Variants in SV2A observed in about 807,000 individuals in gnomAD.
SV2A encodes synaptic vesicle glycoprotein 2A.
Under a neutral mutation model 78.0 loss-of-function variants are expected in SV2A, and 25 were observed. The ratio of observed to expected loss-of-function variants is 0.32; its 90% confidence interval spans 0.23 to 0.45. SV2A has a LOEUF of 0.45. SV2A is among the 20% of genes least tolerant of loss of function. The pLI, the probability that SV2A is intolerant of heterozygous loss-of-function variation, is 1.00. For synonymous variants in SV2A, 355 were observed against 384.7 expected (o/e 0.92, Z 0.90); for missense variants, 752 against 971.5 (o/e 0.77, Z 3.00).
chr1:149,913,783 T>C lies in SV2A; in HGVS notation c.58A>G (p.Lys20Glu). The change falls in exon 2 of 13, where the codon AAG becomes GAG. Residue 20 changes from lysine to glutamate, a missense_variant. Lys to Glu is a moderately conservative substitution (Grantham distance 56). This residue lies in a region of SV2A where 291 missense variants were observed against 359.5 expected (regional missense o/e 0.81). Coordinates refer to ENST00000369146, the MANE Select transcript of SV2A (RefSeq NM_014849.5). ...AFIRGAKDIA[K>E]EVKKHAAKKV... ...TTGGCCGCATGCTTTTTGACTTCCT[T>C]AGCAATGTCTTTGGCCCCACGGATG... 1 of 1,613,980 alleles carries C rather than the reference T, an allele frequency of 6.2e-7. No individual in the cohort carries two copies. The highest frequency in any genetic ancestry group is 8.5e-7 in the Non-Finnish European group (1 of 1,179,946).
chr1:149,906,531 A>G (rs1553762770), intron 11 of SV2A, 119 bp downstream of exon 11: 1 of 1,103,316 alleles, frequency 9.1e-7, no homozygotes, highest in African/African-American at 1.6e-5. Flanking sequence ...CTAAACAGAA[A>G]ACATGAGAGA....
At chr1:149,915,813 C>T (rs1002660736) in intron 1 of SV2A, among the ~76,000 whole-genome samples, 1 of 152,184 alleles carries the variant, frequency 6.6e-6, no homozygotes, top group South Asian at 2.1e-4. Flanking sequence ...AGGAAGCAGG[C>T]CTAGATTCTG....
intron 1 of SV2A, among the ~76,000 whole-genome samples, chr1:149,917,398 G>A (rs1235375979): frequency 6.6e-6 from 1 of 152,148 alleles, no homozygotes; most frequent in Non-Finnish European, 1.5e-5. Context: ...GTGAGGAGGG[G>A]ATAGGAGTTT....
At position 149,909,178 on chromosome 1, in the gene SV2A, A is replaced by G; in HGVS notation, c.1379+14T>C. ...ACAACCACCACACATCACCCAGCCC[A>G]CCCATCTCCTCACCTGAATGACATG... On this transcript the variant is annotated intron_variant, in intron 8 of 12. Transcript: ENST00000369146. 6.2e-7 allele frequency: 1 copy of G among 1,612,638 alleles called. No individual in the cohort carries two copies.
In SV2A at chr1:149,911,965, A is replaced by T; in HGVS notation, c.638T>A (p.Leu213Gln). The change falls in exon 3 of 13, where the codon CTG (leucine) becomes CAG (glutamine). Residue 213 changes from leucine to glutamine, a missense_variant. By Grantham distance (113) the Leu-to-Gln change is moderately radical (BLOSUM62 -2). Around this residue, in one of 7 missense-constraint regions of SV2A, gnomAD observed 291 missense variants for 359.5 expected, o/e 0.81. Transcript: ENST00000369146. ...NKGMLGLIVY[L>Q]GMMVGAFLWG... is the part of the protein sequence containing the mutation. Reference sequence around the variant, plus strand: ...GAGGAAGGCTCCCACCATCATGCCCAGGTAGACGATGAGGCCTGGAAGGAG... The same window carrying T: ...GAGGAAGGCTCCCACCATCATGCCCTGGTAGACGATGAGGCCTGGAAGGAG... The T allele has an allele frequency of 6.2e-7, 1 of 1,614,054 alleles. No homozygotes were observed. Among genetic ancestry groups the T allele is most frequent in the Non-Finnish European group, 8.5e-7 (1 of 1,179,960 alleles).
chr1:149,913,683 T>C lies in SV2A; in HGVS notation c.158A>G (p.Asp53Gly). Residue 53 changes from aspartate (D) to glycine (G), a missense_variant, in exon 2 of 13, where the codon GAT (aspartate) becomes GGT (glycine). By Grantham distance (94) the Asp-to-Gly change is moderately conservative. Around this residue, in one of 7 missense-constraint regions of SV2A, gnomAD observed 291 missense variants for 359.5 expected, o/e 0.81. Coordinates refer to ENST00000369146, the MANE Select transcript of SV2A (RefSeq NM_014849.5). ...GGGAGCAGGGAAGTCATCATCATCA[T>C]CCTCCTCCTCAAAGCGGGAGTACGA... Reference protein sequence around the residue: ...RRSYSRFEEEDDDDDFPAPSD... With the variant: ...RRSYSRFEEEGDDDDFPAPSD... 1 of 1,614,026 alleles carries C rather than the reference T, an allele frequency of 6.2e-7. No individual in the cohort carries two copies. The highest frequency in any genetic ancestry group is 1.3e-5 in the African/African-American group (1 of 74,976).
In SV2A at chr1:149,910,279, G is replaced by A. The variant is rs1419127924; in HGVS notation, c.1089+291C>T. Among the ~76,000 whole-genome samples the A allele has an allele frequency of 1.3e-5, 2 of 152,200 alleles. No individual in the cohort carries two copies. The highest frequency in any genetic ancestry group is 4.8e-5 in the African/African-American group (2 of 41,432). ...AGGGGAAGGTATAGGGGGTGGGAAT[G>A]TCTCTTGAGCTGTAAATGCAGGACA... On this transcript the variant is annotated intron_variant, in intron 5 of 12. Coordinates refer to ENST00000369146, the MANE Select transcript of SV2A (RefSeq NM_014849.5). The surrounding 1 kb of genome is among the most constrained non-coding windows in gnomAD (Gnocchi z 4.2).
At chr1:149,916,930 C>T (rs1353705503) in intron 1 of SV2A, among the ~76,000 whole-genome samples, 1 of 151,978 alleles carries the variant, frequency 6.6e-6, no homozygotes, top group Admixed American at 6.6e-5. Context: ...CTGAGGAATA[C>T]GGAGAGGCAG....
intron 1 of SV2A, among the ~76,000 whole-genome samples, chr1:149,915,107 T>C (rs2092504428): frequency 6.6e-6 from 1 of 152,122 alleles, no homozygotes. Context: ...TCAGTCAGGG[T>C]AGTTAACCTC....
chr1:149,913,939 A>G lies in SV2A; in HGVS notation c.-99T>C. ...TAGAGTCAAAAAGACCCCTCCCCAC[A>G]GTTACTTAGATGAAGCGTGTTCCAG... On this transcript the variant is annotated 5_prime_UTR_variant, in exon 2 of 13. Coordinates refer to ENST00000369146, the MANE Select transcript of SV2A (RefSeq NM_014849.5). The G allele has an allele frequency of 2.7e-6, 4 of 1,495,922 alleles. No homozygotes were observed. Among genetic ancestry groups the G allele is most frequent in the Non-Finnish European group, 2.7e-6 (3 of 1,123,754 alleles). 92.7% of individuals were successfully genotyped at this position (1,495,922 alleles called of 1,614,324 possible).
intron 10 of SV2A, 160 bp from the exon 11 acceptor site, chr1:149,907,016 G>T: frequency 6.9e-7 from 1 of 1,454,250 alleles, no homozygotes; most frequent in Non-Finnish European, 9.1e-7. Context: ...CATCACCATG[G>T]GAACTAGGGA....
chr1:149,907,467 G>A (rs1458662504), intron 10 of SV2A, among the ~76,000 whole-genome samples: 1 of 152,040 alleles, frequency 6.6e-6, no homozygotes, highest in Non-Finnish European at 1.5e-5. Context: ...TATAATTTCA[G>A]CCAAAGGCAA....
At chr1:149,905,456 CTTT>C (rs782048028) in intron 12 of SV2A, 808 of 243,674 alleles carry the variant, frequency 3.3e-3, no homozygotes, top group South Asian at 4.3e-3. Flanking sequence ...TTTTTTTTTC[CTTT>C]TTTTTTTTTT....
At chr1:149,911,344 A>G (rs2092473968) in intron 3 of SV2A, among the ~76,000 whole-genome samples, 1 of 152,264 alleles carries the variant, frequency 6.6e-6, no homozygotes, top group South Asian at 2.1e-4. Flanking sequence ...TTGGAGTTGA[A>G]GCAGAGTAAG....
rs192402913 is a variant in SV2A at position 149,907,419 on chromosome 1, A to C, written c.1678+281T>G. Among the ~76,000 whole-genome samples, 430 of 152,322 alleles carry C rather than the reference A, an allele frequency of 2.8e-3. 2 individuals are homozygous for C. Among genetic ancestry groups the C allele is most frequent in the Non-Finnish European group, 4.9e-3 (330 of 68,022 alleles). Reference sequence around the variant, plus strand: ...AAGAATGCTATTTTGGATGATTTTTACCTTCTTCAAAAGTGCATTAATTTT... The same window carrying C: ...AAGAATGCTATTTTGGATGATTTTTCCCTTCTTCAAAAGTGCATTAATTTT... On this transcript the variant is annotated intron_variant, in intron 10 of 12. Coordinates refer to ENST00000369146, the MANE Select transcript of SV2A (RefSeq NM_014849.5).
rs377559233 is a variant in SV2A at position 149,905,108 on chromosome 1, T to G, written c.2135A>C (p.Lys712Thr). Residue 712 changes from lysine to threonine, a missense_variant, in exon 13 of 13, where the codon AAG becomes ACG. This residue lies in a region of SV2A where 186 missense variants were observed against 274.6 expected (regional missense o/e 0.68). Transcript: ENST00000369146. ...TGAGGCAAAGAGGATGGGTGCAGCC[T>G]TGGTGATTCCCACGAAGGATGTGAA... ...SIFTSFVGIT[K>T]AAPILFASAA... is the part of the protein sequence containing the mutation. 6.2e-7 allele frequency: 1 copy of G among 1,613,132 alleles called. No individual in the cohort carries two copies. The highest frequency in any genetic ancestry group is 1.3e-5 in the African/African-American group (1 of 74,910).
chr1:149,906,070 G>A (rs1290221429), intron 11 of SV2A, 31 bp from the exon 12 acceptor site: 2 of 1,612,166 alleles, frequency 1.2e-6, no homozygotes, highest in Non-Finnish European at 1.7e-6. Context: ...AGCAACATGA[G>A]CCTGGCCACA....
Position 149,909,105 on chromosome 1 carries a change from C to T in SV2A, c.1379+87G>A, listed in dbSNP as rs1650459912. On this transcript the variant is annotated intron_variant, in intron 8 of 12. Coordinates refer to ENST00000369146, the MANE Select transcript of SV2A (RefSeq NM_014849.5). Reference sequence around the variant, plus strand: ...CATGGCACCTTCCCTCATCGCTTGTCCCCTGCATCTCCATTCTCCCCACCT... The same window carrying T: ...CATGGCACCTTCCCTCATCGCTTGTTCCCTGCATCTCCATTCTCCCCACCT... The T allele has an allele frequency of 3.8e-6, 5 of 1,323,002 alleles. No individual in the cohort carries two copies. In the Admixed American group the frequency reaches 5.2e-5, roughly 14 times the overall value. The allele number at this position is 1,323,002 out of a possible 1,614,324, so 82.0% of individuals were successfully genotyped here.
chr1:149,904,993 C>G lies in SV2A; in HGVS notation c.*21G>C. The G allele has an allele frequency of 3.1e-6, 5 of 1,594,968 alleles. No individual in the cohort carries two copies. The highest frequency in any genetic ancestry group is 4.3e-6 in the Non-Finnish European group (5 of 1,169,756). The stretch of plus-strand genomic sequence containing the variant: ...TTGGTCTCACAGTGTGCCTGCCAAT[C>G]CCAAAGCCCTAGAGACCCCTTCACT... On this transcript the variant is annotated 3_prime_UTR_variant, in exon 13 of 13. Coordinates refer to ENST00000369146, the MANE Select transcript of SV2A (RefSeq NM_014849.5).
Sources: allele counts gnomAD v4.1 joint callset (sites outside exome capture counted in the v4.1 genomes callset), GRCh38; gene constraint gnomAD v4.1.1; regional missense constraint gnomAD v4.1.1; non-coding constraint Gnocchi (gnomAD v3.1); transcripts MANE v1.5; gene names NCBI Gene and HGNC (gene_info 2026-07-23, HGNC 2026-07-21).